Variants in KCNN2 observed in about 807,000 individuals in gnomAD.
The protein encoded by KCNN2 is small conductance calcium-activated potassium channel protein 2.
KCNN2 carries 24 observed loss-of-function variants against 55.5 expected under a neutral mutation model. The ratio of observed to expected loss-of-function variants is 0.43; its 90% CI spans 0.31 to 0.61. The LOEUF (loss-of-function observed/expected upper bound fraction) is 0.61, where lower values mean the gene tolerates loss of function less well. Among genes scored for constraint, KCNN2 ranks in the 20% least tolerant of loss-of-function variants. The pLI is 0.08. For missense variants in KCNN2, 754 were observed against 853.6 expected (o/e 0.88, Z 1.45); for synonymous variants, 431 against 336.1 (o/e 1.28, Z -3.09).
intron 2 of KCNN2, among the ~76,000 whole-genome samples, chr5:114,321,663 TG>T (rs1216993576): frequency 1.9e-4 from 28 of 148,470 alleles, no homozygotes; most frequent in African/African-American, 5.7e-4. Context: ...TTTTTTTTTT[TG>T]TTGTTGTTTG....
chr5:114,485,937 T>C (rs1464551603), intron 5 of KCNN2, among the ~76,000 whole-genome samples: 1 of 152,186 alleles, frequency 6.6e-6, no homozygotes, highest in African/African-American at 2.4e-5. Flanking sequence ...TCATCCTTAT[T>C]GTAAATCTAA....
At chr5:114,242,477 A>G (rs971824887) in intron 2 of KCNN2, among the ~76,000 whole-genome samples, 3 of 152,218 alleles carry the variant, frequency 2.0e-5, no homozygotes, top group African/African-American at 7.2e-5. Context: ...GGATATTTAT[A>G]TAAGCATTGT....
intron 4 of KCNN2, among the ~76,000 whole-genome samples, chr5:114,468,334 G>A (rs1215941062): frequency 6.6e-6 from 1 of 152,072 alleles, no homozygotes; most frequent in African/African-American, 2.4e-5. Flanking sequence ...TGTCAGTCAA[G>A]TATAGTAAAA....
At chr5:114,360,971 A>G (rs3812064), upstream of KCNN2, 2 of 153,370 alleles carry the variant, frequency 1.3e-5, no homozygotes, top group East Asian at 3.8e-4. Flanking sequence ...GAAGCAGAAG[A>G]GCAGCTGGAG....
intron 2 of KCNN2, among the ~76,000 whole-genome samples, chr5:114,228,647 A>G (rs1425466215): frequency 6.6e-6 from 1 of 152,070 alleles, no homozygotes; most frequent in Admixed American, 6.6e-5. Context: ...CATTTCTGAT[A>G]TATAAGTTGA....
At chr5:114,367,936 A>G (rs2150048894) in intron 2 of KCNN2, among the ~76,000 whole-genome samples, 1 of 152,314 alleles carries the variant, frequency 6.6e-6, no homozygotes, top group Middle Eastern at 3.4e-3. Context: ...TGGGTCCTGG[A>G]AGAATGGCAG....
At chr5:114,448,680 C>T (rs1760519377) in intron 3 of KCNN2, among the ~76,000 whole-genome samples, 1 of 152,178 alleles carries the variant, frequency 6.6e-6, no homozygotes, top group African/African-American at 2.4e-5. Flanking sequence ...CTTATCTCTC[C>T]CCGAGGAATA....
intron 1 of KCNN2, among the ~76,000 whole-genome samples, chr5:114,177,304 A>G (rs10050818): frequency 0.091 from 13,881 of 151,940 alleles, 802 homozygotes; most frequent in Non-Finnish European, 0.12. Flanking sequence ...CGCCCGGCTA[A>G]TGTTTTGTAT....
chr5:114,404,878 A>T, intron 3 of KCNN2, 22 bp downstream of exon 3: 1 of 1,582,056 alleles, frequency 6.3e-7, no homozygotes, highest in Non-Finnish European at 8.6e-7. Flanking sequence ...TCTTTTCCTG[A>T]GAACATAATT....
intron 2 of KCNN2, among the ~76,000 whole-genome samples, chr5:114,333,011 A>G (rs1458663017): frequency 2.0e-5 from 3 of 152,194 alleles, no homozygotes; most frequent in Non-Finnish European, 4.4e-5. Context: ...ACAATAATCT[A>G]GGCCTTGTTA....
intron 1 of KCNN2, among the ~76,000 whole-genome samples, chr5:114,187,729 A>G (rs1034287814): frequency 2.0e-5 from 3 of 151,274 alleles, no homozygotes; most frequent in African/African-American, 7.3e-5. Context: ...GATGGTCTCA[A>G]TCTCCTGACC....
chr5:114,072,994 A>C (rs1750607910), intron 1 of KCNN2, among the ~76,000 whole-genome samples: 1 of 152,154 alleles, frequency 6.6e-6, no homozygotes, highest in Admixed American at 6.5e-5. Context: ...ACTGTGGATT[A>C]CTCTAAGTGA....
intron 2 of KCNN2, among the ~76,000 whole-genome samples, chr5:114,242,828 TC>T (rs1301593573): frequency 1.3e-5 from 2 of 152,204 alleles, no homozygotes; most frequent in Non-Finnish European, 2.9e-5. Context: ...TTGTATTGCT[TC>T]CCCTATTACA....
At chr5:114,390,717 A>C (rs1000222309) in intron 2 of KCNN2, among the ~76,000 whole-genome samples, 2 of 152,092 alleles carry the variant, frequency 1.3e-5, no homozygotes, top group Non-Finnish European at 2.9e-5. Flanking sequence ...TCCATACACC[A>C]CAGTGCTTTC....
At chr5:114,397,477 C>G (rs1758654644) in intron 2 of KCNN2, among the ~76,000 whole-genome samples, 1 of 152,132 alleles carries the variant, frequency 6.6e-6, no homozygotes, top group Non-Finnish European at 1.5e-5. Context: ...ACCTCTGCTT[C>G]CTGGGTTCAA....
intron 2 of KCNN2, among the ~76,000 whole-genome samples, chr5:114,352,957 G>C (rs951736692): frequency 2.0e-5 from 3 of 151,970 alleles, no homozygotes; most frequent in African/African-American, 7.2e-5. Context: ...CCTCTGCATA[G>C]CTGTTCTAAC....
intron 1 of KCNN2, among the ~76,000 whole-genome samples, chr5:114,179,395 G>C (rs975851591): frequency 3.9e-5 from 6 of 152,198 alleles, no homozygotes; most frequent in African/African-American, 1.4e-4. Context: ...TTTCCCCAGA[G>C]TGATATAAGA....
intron 2 of KCNN2, among the ~76,000 whole-genome samples, chr5:114,298,706 A>G (rs1267181747): frequency 1.3e-5 from 2 of 152,232 alleles, no homozygotes; most frequent in East Asian, 3.8e-4. Context: ...ATGGGTGATT[A>G]ATTTTGTTCT....
At chr5:114,411,134 C>T (rs1013738454) in intron 3 of KCNN2, among the ~76,000 whole-genome samples, 15 of 152,104 alleles carry the variant, frequency 9.9e-5, no homozygotes, top group Non-Finnish European at 2.2e-4. Flanking sequence ...TGTTTAGAGT[C>T]TACTATTCAG....
Sources: gnomAD v4.1 joint callset for allele counts (sites outside exome capture counted in the v4.1 genomes callset) on GRCh38, gnomAD v4.1.1 for gene constraint, MANE v1.5 for transcripts, NCBI Gene and HGNC (gene_info 2026-07-23, HGNC 2026-07-21) for gene names.